The following ITPR1 variants were observed in gnomAD, a reference collection of about 807,000 sequenced individuals.
ITPR1 encodes inositol 1,4,5-trisphosphate-gated calcium channel ITPR1.
In ITPR1, 96 loss-of-function variants were observed where a neutral mutation model predicts 318.4. The observed-to-expected ratio is 0.30, with a 90% CI of 0.26 to 0.36. ITPR1 has a LOEUF of 0.36. Ranked by LOEUF, ITPR1 falls within the 10% of genes least tolerant of loss-of-function variation. The probability of loss-of-function intolerance (pLI) is 1.00; values close to 1 mark genes in which losing one functional copy is unlikely to be tolerated. For missense variants in ITPR1, 2,440 were observed against 3,460.2 expected, an observed-to-expected ratio of 0.71 and a Z score of 7.40; for synonymous variants, 1,312 against 1,289.9, an observed-to-expected ratio of 1.02 and a Z score of -0.37.
intron 4 of ITPR1, among the ~76,000 whole-genome samples, chr3:4,608,066 C>T (rs13075416): frequency 5.3e-5 from 8 of 152,106 alleles, no homozygotes; most frequent in African/African-American, 1.7e-4. Flanking sequence ...TTAGCTTTGC[C>T]TAAGCCCAGA....
intron 24 of ITPR1, among the ~76,000 whole-genome samples, chr3:4,677,483 G>A (rs2094208061): frequency 6.6e-6 from 1 of 152,182 alleles, no homozygotes; most frequent in East Asian, 1.9e-4. Context: ...ATGAAGTGAG[G>A]AGATAGCCAC....
At chr3:4,794,686 C>T (rs2047782876) in intron 52 of ITPR1, among the ~76,000 whole-genome samples, 1 of 152,104 alleles carries the variant, frequency 6.6e-6, no homozygotes, top group Admixed American at 6.5e-5. Flanking sequence ...TGGGTCTCTC[C>T]GGGCATCTCA....
Position 4,652,114 on chromosome 3 carries a change from T to C in ITPR1, c.856-9T>C. 1 of 1,605,868 alleles carries C rather than the reference T, an allele frequency of 6.2e-7. No individual in the cohort carries two copies. Among genetic ancestry groups the C allele is most frequent in the East Asian group, 2.2e-5 (1 of 44,728 alleles). Reference sequence around the variant, plus strand: ...ACATTTCATTGACTCCTGTTGATCATTCTTGCAGGTGGTCCAGCATGACCC... The same window carrying C: ...ACATTTCATTGACTCCTGTTGATCACTCTTGCAGGTGGTCCAGCATGACCC... On this transcript the variant is annotated splice_polypyrimidine_tract_variant and intron_variant, in intron 10 of 61. Transcript: ENST00000649015.
chr3:4,556,150 G>A (rs750343447), intron 4 of ITPR1, among the ~76,000 whole-genome samples: 20 of 152,070 alleles, frequency 1.3e-4, no homozygotes, highest in Non-Finnish European at 2.4e-4. Context: ...CAACAACATT[G>A]ATAGGAAGGT....
At position 4,731,200 on chromosome 3, in the gene ITPR1, T is replaced by C. The variant is rs892008855; in HGVS notation, c.5221-1888T>C. 2.6e-5 allele frequency among the ~76,000 whole-genome samples: 4 copies of C among 152,228 alleles called. No homozygotes were observed. The East Asian group carries it at 7.7e-4, about 29-fold the overall frequency. On this transcript the variant is annotated intron_variant, in intron 42 of 61. Coordinates refer to ENST00000649015, the MANE Select transcript of ITPR1 (RefSeq NM_001378452.1). ...TGTACTTCTCTTATGAAGTCAGCCT[T>C]TTAAATCACTGCGTTCCCAGTGACT... is the stretch of plus-strand genomic sequence containing the variant.
At chr3:4,509,245 G>T (rs967219763) in intron 2 of ITPR1, among the ~76,000 whole-genome samples, 1 of 152,164 alleles carries the variant, frequency 6.6e-6, no homozygotes, top group Non-Finnish European at 1.5e-5. Context: ...AATTTATGAG[G>T]CTGGAATTCA....
intron 5 of ITPR1, among the ~76,000 whole-genome samples, 189 bp downstream of exon 5, chr3:4,628,067 T>C (rs1013360959): frequency 1.3e-5 from 2 of 152,132 alleles, no homozygotes; most frequent in African/African-American, 4.8e-5. Flanking sequence ...TCTTGAGATG[T>C]CTGGAGAGTT....
intron 36 of ITPR1, among the ~76,000 whole-genome samples, chr3:4,703,963 A>G (rs2094706165): frequency 6.6e-6 from 1 of 152,174 alleles, no homozygotes; most frequent in Non-Finnish European, 1.5e-5. Flanking sequence ...TCCATACAGG[A>G]TTATCTATCA....
At chr3:4,763,329 C>T (rs551686516) in intron 44 of ITPR1, among the ~76,000 whole-genome samples, 2 of 152,158 alleles carry the variant, frequency 1.3e-5, no homozygotes, top group East Asian at 1.9e-4. Flanking sequence ...CAAACCTGCA[C>T]GTCCTGCATA....
At chr3:4,790,421 G>A (rs537225573) in intron 52 of ITPR1, among the ~76,000 whole-genome samples, 39 of 152,298 alleles carry the variant, frequency 2.6e-4, no homozygotes, top group South Asian at 4.1e-4. Context: ...TTGAAAAACA[G>A]TTTTCATTTC....
intron 31 of ITPR1, among the ~76,000 whole-genome samples, chr3:4,690,909 A>G (rs1371616481): frequency 6.6e-6 from 1 of 152,212 alleles, no homozygotes; most frequent in Admixed American, 6.5e-5. Flanking sequence ...TTTATAATCT[A>G]TTCAGCTGAA....
intron 10 of ITPR1, among the ~76,000 whole-genome samples, chr3:4,650,468 A>G (rs2093567752): frequency 6.6e-6 from 1 of 152,050 alleles, no homozygotes; most frequent in Non-Finnish European, 1.5e-5. Context: ...GGCTTGCATC[A>G]TTTGTGATTA....
chr3:4,721,616 C>T (rs1367849511), intron 40 of ITPR1, among the ~76,000 whole-genome samples: 2 of 152,096 alleles, frequency 1.3e-5, no homozygotes, highest in African/African-American at 2.4e-5. Flanking sequence ...CTGATTCGAG[C>T]GGCTGGAGAT....
Position 4,775,582 on chromosome 3 carries a change from G to A in ITPR1, c.6180+140G>A. On this transcript the variant is annotated intron_variant, in intron 47 of 61. Coordinates refer to ENST00000649015, the MANE Select transcript of ITPR1 (RefSeq NM_001378452.1). ...GACAGGAGGCTGTCTTCCAGCAGTT[G>A]AGAAATAGCCATGGTGTTTCATGAT... 1.7e-5 allele frequency: 11 copies of A among 644,564 alleles called. No homozygotes were observed. In the South Asian group the frequency reaches 2.1e-4, roughly 13 times the overall value. The allele number at this position is 644,564 out of a possible 1,614,324, so 39.9% of individuals were successfully genotyped here.
intron 4 of ITPR1, among the ~76,000 whole-genome samples, chr3:4,567,603 G>GT (rs60589063): frequency 0.28 from 39,845 of 140,662 alleles, 5,698 homozygotes; most frequent in Middle Eastern, 0.45. Flanking sequence ...GCTTGAGCTA[G>GT]TTTTTTTTGG....
At position 4,581,298 on chromosome 3, in the gene ITPR1, A is replaced by G. The variant is rs564591541; in HGVS notation, c.164-46465A>G. On this transcript the variant is annotated intron_variant, in intron 4 of 61. Coordinates refer to ENST00000649015, the MANE Select transcript of ITPR1 (RefSeq NM_001378452.1). ...TTGTCCTCTTCAGAAGGCGGTCTGCATGATGAAACACATCTGCAGTGATGC... is the reference window on the plus strand; with the variant it reads ...TTGTCCTCTTCAGAAGGCGGTCTGCGTGATGAAACACATCTGCAGTGATGC... Among the ~76,000 whole-genome samples the G allele has an allele frequency of 2.0e-5, 3 of 152,308 alleles. No homozygotes were observed. The East Asian group carries it at 5.8e-4, about 29-fold the overall frequency.
At chr3:4,611,979 A>T (rs1191388984) in intron 4 of ITPR1, among the ~76,000 whole-genome samples, 1 of 151,896 alleles carries the variant, frequency 6.6e-6, no homozygotes, top group Non-Finnish European at 1.5e-5. Context: ...GGTCAAAAAT[A>T]CTCAGAAACC....
chr3:4,622,101 A>G (rs537129135), intron 4 of ITPR1, among the ~76,000 whole-genome samples: 3 of 148,914 alleles, frequency 2.0e-5, no homozygotes, highest in Non-Finnish European at 4.4e-5. Context: ...GTACCAGCAC[A>G]TAGTAGACTT....
At chr3:4,705,517 A>G (rs1279818310) in intron 36 of ITPR1, among the ~76,000 whole-genome samples, 3 of 152,168 alleles carry the variant, frequency 2.0e-5, no homozygotes, top group Admixed American at 6.5e-5. Context: ...ATGTCTCTCC[A>G]GTCTCTTCTG....
Sources: gnomAD v4.1 joint callset for allele counts (sites outside exome capture counted in the v4.1 genomes callset) on GRCh38, gnomAD v4.1.1 for gene constraint, MANE v1.5 for transcripts, NCBI Gene and HGNC (gene_info 2026-07-23, HGNC 2026-07-21) for gene names.